The following SMYD1 variants were observed in gnomAD, a reference collection of about 807,000 sequenced individuals.
The protein encoded by SMYD1 is histone-lysine N-methyltransferase SMYD1.
A neutral mutation model predicts 54.0 loss-of-function variants in SMYD1; 49 were observed. That is an observed-to-expected ratio of 0.91 (90% CI 0.72 to 1.15). The LOEUF is 1.15. Ranked by LOEUF, SMYD1 falls within the 50% of genes most tolerant of loss-of-function variation. The pLI is 0.00. For synonymous variants in SMYD1, 269 were observed against 234.2 expected (o/e 1.15, Z -1.36); for missense variants, 653 against 639.6 (o/e 1.02, Z -0.23).
chr2:88,102,023 C>T (rs1049682138), intron 6 of SMYD1, among the ~76,000 whole-genome samples: 3 of 152,128 alleles, frequency 2.0e-5, no homozygotes, highest in African/African-American at 7.2e-5. Flanking sequence ...AATGTTCCCC[C>T]AGATACTAAC....
At chr2:88,084,581 C>T in intron 2 of SMYD1, 89 bp downstream of exon 2, 1 of 1,297,056 alleles carries the variant, frequency 7.7e-7, no homozygotes, top group Non-Finnish European at 1.1e-6. Context: ...TCTAAGGAAG[C>T]CAAGCTGAGT....
intron 7 of SMYD1, 73 bp from the exon 8 acceptor site, chr2:88,106,252 T>C: frequency 1.3e-6 from 2 of 1,563,466 alleles, no homozygotes; most frequent in South Asian, 2.3e-5. Context: ...GGTATCACCA[T>C]GATGGTCGCG....
In SMYD1 at chr2:88,112,255, C is replaced by A. The variant is rs1171911289; in HGVS notation, c.*1743C>A. 1 of 676,532 alleles carries A rather than the reference C, an allele frequency of 1.5e-6. No homozygotes were observed. Among genetic ancestry groups the A allele is most frequent in the South Asian group, 1.5e-5 (1 of 64,548 alleles). The allele number at this position is 676,532 out of a possible 1,614,324, so 41.9% of individuals were successfully genotyped here. On this transcript the variant is annotated 3_prime_UTR_variant, in exon 10 of 10. Transcript: ENST00000419482. The stretch of plus-strand genomic sequence containing the variant: ...CCCCAAACCTTTTTCCCTTCTTTGT[C>A]ATTGTTATCTGCTAAGCCCCTGGTC...
chr2:88,104,908 A>C (rs1450375119), intron 7 of SMYD1, among the ~76,000 whole-genome samples: 1 of 152,076 alleles, frequency 6.6e-6, no homozygotes, highest in African/African-American at 2.4e-5. Context: ...CTTTTTCCTC[A>C]CCAGGGCCAA....
chr2:88,077,940 G>T (rs1674106796), intron 1 of SMYD1, among the ~76,000 whole-genome samples: 2 of 152,120 alleles, frequency 1.3e-5, no homozygotes, highest in Non-Finnish European at 2.9e-5. Flanking sequence ...GGCCAGGCTG[G>T]TCTCAAACAC....
intron 6 of SMYD1, among the ~76,000 whole-genome samples, chr2:88,099,735 A>AG (rs1674677609): frequency 6.6e-6 from 1 of 151,460 alleles, no homozygotes; most frequent in African/African-American, 2.4e-5. Context: ...AAAAAAAAAG[A>AG]AGAAGAAAAG....
In SMYD1 at chr2:88,108,236, C is replaced by A. The variant is rs78103579; in HGVS notation, c.1146-135C>A. ...TCTCTGTGCCTCAGTTCCCCCTTGG[C>A]GGCTACAGAAGCCTTGCAGTGCTGA... On this transcript the variant is annotated intron_variant, in intron 8 of 9. Transcript: ENST00000419482. 24 of 774,318 alleles carry A rather than the reference C, an allele frequency of 3.1e-5. No homozygotes were observed. In the South Asian group the frequency reaches 8.4e-4, roughly 27 times the overall value. The allele number at this position is 774,318 out of a possible 1,614,324, so 48.0% of individuals were successfully genotyped here.
At chr2:88,094,143 G>T (rs1186422512) in intron 5 of SMYD1, among the ~76,000 whole-genome samples, 2 of 152,190 alleles carry the variant, frequency 1.3e-5, no homozygotes, top group Non-Finnish European at 1.5e-5. Flanking sequence ...TTTGGATTAA[G>T]AACAAAATGC....
chr2:88,069,283 G>T (rs1450258957), intron 1 of SMYD1, among the ~76,000 whole-genome samples: 1 of 152,142 alleles, frequency 6.6e-6, no homozygotes, highest in East Asian at 1.9e-4. Context: ...CAGATAACTT[G>T]ATTAGTATTC....
In SMYD1 at chr2:88,084,308, A is replaced by G. The variant is rs771866113; in HGVS notation, c.138-8A>G. 1.3e-6 allele frequency: 2 copies of G among 1,556,740 alleles called. No individual in the cohort carries two copies. Among genetic ancestry groups the G allele is most frequent in the South Asian group, 2.3e-5 (2 of 86,068 alleles). ...TCCCAATCATGTGTCTTCTTTCTCC[A>G]TTTCCAGCCTTGTTAATTTTGTGTG... On this transcript the variant is annotated splice_polypyrimidine_tract_variant and splice_region_variant and intron_variant, in intron 1 of 9. Transcript: ENST00000419482.
chr2:88,077,098 C>T (rs1214994844), intron 1 of SMYD1, among the ~76,000 whole-genome samples: 1 of 151,994 alleles, frequency 6.6e-6, no homozygotes, highest in Admixed American at 6.6e-5. Context: ...CCCTGAAAGA[C>T]AGAACGGTTG....
chr2:88,106,666 CCAAT>C (rs1174000548), intron 8 of SMYD1, among the ~76,000 whole-genome samples, 178 bp downstream of exon 8: 1 of 152,128 alleles, frequency 6.6e-6, no homozygotes, highest in Admixed American at 6.5e-5. Context: ...GTGTTAATGA[CCAAT>C]CAGAGTTTGT....
intron 7 of SMYD1, among the ~76,000 whole-genome samples, chr2:88,105,261 C>T (rs886114291): frequency 2.6e-5 from 4 of 152,152 alleles, no homozygotes; most frequent in Admixed American, 1.3e-4. Flanking sequence ...AGTATTTACC[C>T]TCTCTGTGCT....
At chr2:88,095,443 C>T (rs746104476) in intron 5 of SMYD1, among the ~76,000 whole-genome samples, 1 of 152,218 alleles carries the variant, frequency 6.6e-6, no homozygotes, top group Non-Finnish European at 1.5e-5. Context: ...TACCATTCAG[C>T]AGTTGCTCCC....
intron 5 of SMYD1, among the ~76,000 whole-genome samples, chr2:88,094,414 T>C (rs2919886): frequency 0.11 from 17,105 of 152,158 alleles, 1,053 homozygotes; most frequent in Middle Eastern, 0.18. Context: ...AGCTGAACTA[T>C]GGAATTGCAG....
rs1018414317 is a variant in SMYD1, at chr2:88,110,304, A to G, written c.1315-50A>G. The G allele has an allele frequency of 2.6e-6, 4 of 1,552,146 alleles. No homozygotes were observed. The African/African-American group carries it at 4.1e-5, about 16-fold the overall frequency. Reference sequence around the variant, plus strand: ...ACCCCAAGGTATATCAGAGACCAGCATGTCCTAGGGGCTTGCTATCACTGT... The same window carrying G: ...ACCCCAAGGTATATCAGAGACCAGCGTGTCCTAGGGGCTTGCTATCACTGT... On this transcript the variant is annotated intron_variant, in intron 9 of 9. Coordinates refer to ENST00000419482, the MANE Select transcript of SMYD1 (RefSeq NM_198274.4).
intron 8 of SMYD1, among the ~76,000 whole-genome samples, chr2:88,107,156 G>A (rs141880358): frequency 0.016 from 2,449 of 152,066 alleles, 80 homozygotes; most frequent in African/African-American, 0.056. Context: ...AGCCTAGACT[G>A]CGCCACTGCA....
Position 88,067,873 on chromosome 2 carries a change from A to C in SMYD1, c.9A>C (p.Ile3=). 1 of 1,613,912 alleles carries C rather than the reference A, an allele frequency of 6.2e-7. No homozygotes were observed. Among genetic ancestry groups the C allele is most frequent in the Non-Finnish European group, 8.5e-7 (1 of 1,179,970 alleles). The change falls in exon 1 of 10, where the codon ATA becomes ATC. Residue 3 remains isoleucine (I), a synonymous_variant. Transcript: ENST00000419482. MT[I]GRMENVEVFT... ...GCCTGACAGTCTCTGAGATGACAAT[A>C]GGGAGAATGGAGAACGTGGAGGTCT...
chr2:88,088,055 A>C lies in SMYD1; in HGVS notation c.508A>C (p.Ile170Leu). The C allele has an allele frequency of 1.2e-6, 2 of 1,613,790 alleles. No individual in the cohort carries two copies. Among genetic ancestry groups the C allele is most frequent in the Non-Finnish European group, 1.7e-6 (2 of 1,179,834 alleles). Reference sequence around the variant, plus strand: ...GAGCCAGCAGTTCAGCATGCAGTACATCTCGCACATCTTCGGAGTGGTAGG... The same window carrying C: ...GAGCCAGCAGTTCAGCATGCAGTACCTCTCGCACATCTTCGGAGTGGTAGG... ...PQSQQFSMQY[I>L]SHIFGVINCN... Residue 170 changes from isoleucine to leucine, a missense_variant, in exon 3 of 10, where the codon ATC becomes CTC. Physicochemically the swap from Ile to Leu is conservative, Grantham distance 5 (BLOSUM62 2). Transcript: ENST00000419482.
Sources: gnomAD v4.1 joint callset for allele counts (sites outside exome capture counted in the v4.1 genomes callset) on GRCh38, gnomAD v4.1.1 for gene constraint, MANE v1.5 for transcripts, NCBI Gene and HGNC (gene_info 2026-07-23, HGNC 2026-07-21) for gene names.